The following ANKDD1B variants were observed in gnomAD, a reference collection of about 807,000 sequenced individuals.
ANKDD1B encodes ankyrin repeat and death domain containing 1B, also known as ankyrin repeat and death domain-containing protein 1B.
ANKDD1B carries 57 observed loss-of-function variants against 59.7 expected under a neutral mutation model. The observed-to-expected ratio is 0.95, with a 90% confidence interval of 0.77 to 1.19. The LOEUF (loss-of-function observed/expected upper bound fraction) is 1.19, where lower values mean the gene tolerates loss of function less well. Among genes scored for constraint, ANKDD1B ranks in the 50% most tolerant of loss-of-function variants. ANKDD1B has a pLI of 0.00. For synonymous variants in ANKDD1B, 216 were observed against 239.5 expected (o/e 0.90, Z 0.91); for missense variants, 602 against 641.9 (o/e 0.94, Z 0.67).
intron 5 of ANKDD1B, among the ~76,000 whole-genome samples, chr5:75,632,468 A>T (rs253410): frequency 0.84 from 127,139 of 152,162 alleles, 53,389 homozygotes; most frequent in African/African-American, 0.91. Context: ...AAATAGGATA[A>T]GCCAAAAAAA....
At chr5:75,654,400 A>G (rs1016384223) in intron 8 of ANKDD1B, among the ~76,000 whole-genome samples, 1 of 152,220 alleles carries the variant, frequency 6.6e-6, no homozygotes, top group Non-Finnish European at 1.5e-5. Context: ...AGTGGGGAAT[A>G]TGAGATCAAA....
In ANKDD1B at chr5:75,653,228, C is replaced by T. The variant is rs1561446681; in HGVS notation, c.885C>T (p.His295=). The change falls in exon 8 of 14, where the codon CAC becomes CAT. Residue 295 remains histidine (H), a synonymous_variant. Transcript: ENST00000601380. ...NFLLSENVDL[H]QKVEPKESPL... is the part of the protein sequence containing the mutation. Reference sequence around the variant, plus strand: ...TTCTCAGTGAGAACGTTGATCTGCACCAGAAAGTGGAAGTGAGTTTATTCC... The same window carrying T: ...TTCTCAGTGAGAACGTTGATCTGCATCAGAAAGTGGAAGTGAGTTTATTCC... 1 of 1,535,824 alleles carries T rather than the reference C, an allele frequency of 6.5e-7. No homozygotes were observed. Among genetic ancestry groups the T allele is most frequent in the East Asian group, 2.4e-5 (1 of 40,918 alleles).
chr5:75,611,694 G>A lies in ANKDD1B; in HGVS notation c.60G>A (p.Arg20=). ...QGATAGGLLL[R]AAAAAKGLRE... is the part of the protein sequence containing the mutation. ...CCACGGCAGGGGGGCTGCTGCTCCG[G>A]GCTGCTGCGGCCGCCAAGGGTCTCA... is the stretch of plus-strand genomic sequence containing the variant. Residue 20 remains arginine (R), a synonymous_variant, in exon 1 of 14, where the codon CGG becomes CGA. Coordinates refer to ENST00000601380, the MANE Select transcript of ANKDD1B (RefSeq NM_001276713.2). The A allele has an allele frequency of 8.1e-7, 1 of 1,231,810 alleles. No homozygotes were observed. The highest frequency in any genetic ancestry group is 1.0e-6 in the Non-Finnish European group (1 of 988,096). 76.3% of individuals were successfully genotyped at this position (1,231,810 alleles called of 1,614,324 possible).
At chr5:75,636,059 C>T (rs1433313351) in intron 7 of ANKDD1B, among the ~76,000 whole-genome samples, 177 bp downstream of exon 7, 1 of 152,208 alleles carries the variant, frequency 6.6e-6, no homozygotes, top group African/African-American at 2.4e-5. Context: ...ATTTGTTAAT[C>T]CATTCATTTA....
At chr5:75,620,560 A>T (rs1300214044) in intron 3 of ANKDD1B, 147 bp downstream of exon 3, 2 of 570,734 alleles carry the variant, frequency 3.5e-6, no homozygotes, top group South Asian at 2.3e-5. Flanking sequence ...CATAGAGAAT[A>T]TACATATATG....
intron 5 of ANKDD1B, among the ~76,000 whole-genome samples, chr5:75,629,012 C>T (rs1774070760): frequency 6.6e-6 from 1 of 152,132 alleles, no homozygotes; most frequent in Admixed American, 6.5e-5. Context: ...GGGTTGGTTT[C>T]AGCTACGAAT....
chr5:75,655,441 G>A (rs1047826817), intron 8 of ANKDD1B, among the ~76,000 whole-genome samples: 2 of 152,178 alleles, frequency 1.3e-5, no homozygotes, highest in African/African-American at 4.8e-5. Context: ...AATCAATTCA[G>A]GAAATTCCAA....
chr5:75,670,924 C>T (rs1365836886), intron 13 of ANKDD1B, 55 bp from the exon 14 acceptor site: 1 of 629,574 alleles, frequency 1.6e-6, no homozygotes, highest in Non-Finnish European at 2.3e-6. Context: ...GCCTGGTAGA[C>T]AATCAGTGCT....
chr5:75,668,806 C>T (rs1329797504), intron 12 of ANKDD1B, among the ~76,000 whole-genome samples: 1 of 152,168 alleles, frequency 6.6e-6, no homozygotes, highest in Non-Finnish European at 1.5e-5. Context: ...GCTTGCTGCT[C>T]AGAGTGGGGA....
intron 10 of ANKDD1B, among the ~76,000 whole-genome samples, chr5:75,660,046 C>T (rs1775087465): frequency 1.3e-5 from 2 of 152,080 alleles, no homozygotes; most frequent in Non-Finnish European, 2.9e-5. Context: ...ATAAACATAG[C>T]TGCAATGAAT....
At chr5:75,670,685 A>G (rs1421799304) in intron 13 of ANKDD1B, among the ~76,000 whole-genome samples, 4 of 152,230 alleles carry the variant, frequency 2.6e-5, no homozygotes, top group Admixed American at 2.0e-4. Flanking sequence ...AAGAGGTTCC[A>G]TAAGAACTCT....
At chr5:75,654,023 ATGCTTAG>A (rs1196823517) in intron 8 of ANKDD1B, among the ~76,000 whole-genome samples, 1 of 152,208 alleles carries the variant, frequency 6.6e-6, no homozygotes, top group Non-Finnish European at 1.5e-5. Flanking sequence ...CTCGTTTTTC[ATGCTTAG>A]TGCTTCAAGG....
At chr5:75,638,781 G>C (rs79843762) in intron 7 of ANKDD1B, among the ~76,000 whole-genome samples, 1 of 152,126 alleles carries the variant, frequency 6.6e-6, no homozygotes, top group Non-Finnish European at 1.5e-5. Flanking sequence ...ACCATGCACA[G>C]CTCAAAGGAT....
intron 7 of ANKDD1B, among the ~76,000 whole-genome samples, chr5:75,639,510 A>G (rs1774407197): frequency 1.3e-5 from 2 of 152,160 alleles, no homozygotes; most frequent in Non-Finnish European, 2.9e-5. Flanking sequence ...AAATGCCTTT[A>G]TAAGCAGATG....
chr5:75,663,297 T>C (rs1775207546), intron 10 of ANKDD1B, 97 bp from the exon 11 acceptor site: 1 of 887,406 alleles, frequency 1.1e-6, no homozygotes, highest in Non-Finnish European at 1.8e-6. Context: ...CATGGGCTGG[T>C]AGAATCAAGA....
chr5:75,636,029 A>G (rs761864889), intron 7 of ANKDD1B, 147 bp downstream of exon 7: 287 of 532,738 alleles, frequency 5.4e-4, no homozygotes, highest in Non-Finnish European at 8.1e-4. Flanking sequence ...TTTATTCTTC[A>G]AAGTATCCCA....
intron 7 of ANKDD1B, among the ~76,000 whole-genome samples, chr5:75,649,202 G>C (rs1052734058): frequency 1.3e-5 from 1 of 74,986 alleles, no homozygotes; most frequent in African/African-American, 5.9e-5. Context: ...TTTTTTTTTT[G>C]CTGGTAATTG....
At chr5:75,634,821 T>A in intron 5 of ANKDD1B, 77 bp from the exon 6 acceptor site, 1 of 916,446 alleles carries the variant, frequency 1.1e-6, no homozygotes, top group South Asian at 1.5e-5. Flanking sequence ...ATCCTTGAAA[T>A]GTCGCTAGCT....
chr5:75,616,560 T>A (rs190717044), intron 1 of ANKDD1B, among the ~76,000 whole-genome samples: 1 of 152,230 alleles, frequency 6.6e-6, no homozygotes, highest in South Asian at 2.1e-4. Flanking sequence ...GTGGTCCTCA[T>A]GAATAATGTT....
Sources: gnomAD v4.1 joint callset for allele counts (sites outside exome capture counted in the v4.1 genomes callset) on GRCh38, gnomAD v4.1.1 for gene constraint, MANE v1.5 for transcripts, NCBI Gene and HGNC (gene_info 2026-07-23, HGNC 2026-07-21) for gene names.